SLC39A11: variants seen among roughly 807,000 people sequenced by gnomAD.
SLC39A11 encodes the protein zinc transporter ZIP11.
In SLC39A11, 33 loss-of-function variants were observed where a neutral mutation model predicts 36.1. That is an observed-to-expected ratio of 0.91 (90% CI 0.69 to 1.22). The LOEUF (loss-of-function observed/expected upper bound fraction) is 1.22, where lower values mean the gene tolerates loss of function less well. SLC39A11 is among the 50% of genes most tolerant of loss of function. The probability of loss-of-function intolerance (pLI) is 0.00; values close to 1 mark genes in which losing one functional copy is unlikely to be tolerated. For synonymous variants in SLC39A11, 166 were observed against 170.3 expected, an observed-to-expected ratio of 0.97 and a Z score of 0.20; for missense variants, 432 against 430.3, an observed-to-expected ratio of 1.00 and a Z score of -0.03.
intron 3 of SLC39A11, among the ~76,000 whole-genome samples, chr17:73,083,182 G>A (rs1338999261): frequency 6.6e-6 from 1 of 152,146 alleles, no homozygotes; most frequent in African/African-American, 2.4e-5. Context: ...GTGTAAGGTG[G>A]GAAAGGGAAG....
intron 5 of SLC39A11, among the ~76,000 whole-genome samples, chr17:72,867,756 G>A (rs540259190): frequency 2.7e-4 from 21 of 79,050 alleles, no homozygotes; most frequent in South Asian, 2.3e-3. Flanking sequence ...AATGAAGTGC[G>A]CGCGCACACA....
intron 5 of SLC39A11, among the ~76,000 whole-genome samples, chr17:72,935,732 G>A (rs991493143): frequency 3.9e-4 from 59 of 152,208 alleles, no homozygotes; most frequent in African/African-American, 1.4e-3. Context: ...ACAGGCACGC[G>A]CCACCATGCC....
At chr17:72,688,677 G>A (rs1182528030) in intron 7 of SLC39A11, among the ~76,000 whole-genome samples, 5 of 152,188 alleles carry the variant, frequency 3.3e-5, no homozygotes, top group African/African-American at 9.7e-5. Flanking sequence ...TTCACATAGG[G>A]TAAGGGATAG....
At chr17:72,853,508 C>T (rs963122682) in intron 5 of SLC39A11, among the ~76,000 whole-genome samples, 1 of 151,952 alleles carries the variant, frequency 6.6e-6, no homozygotes, top group Non-Finnish European at 1.5e-5. Flanking sequence ...CAACAGACCT[C>T]GGACGCACCA....
At position 72,806,872 on chromosome 17, in the gene SLC39A11, C is replaced by T. The variant is rs1200669302; in HGVS notation, c.601+42762G>A. 5.3e-5 allele frequency among the ~76,000 whole-genome samples: 8 copies of T among 152,302 alleles called. No homozygotes were observed. In the East Asian group the frequency reaches 5.8e-4, roughly 11 times the overall value. On this transcript the variant is annotated intron_variant, in intron 6 of 9. Transcript: ENST00000255559. ...TGCTGGGATTACAGGCGTGAGCCAC[C>T]GTGCTCAGCCTCACTTTTGTGCTTT...
chr17:72,716,981 ATATAT>A (rs1430545999), intron 7 of SLC39A11, among the ~76,000 whole-genome samples: 1 of 112,334 alleles, frequency 8.9e-6, no homozygotes, highest in African/African-American at 3.7e-5. Flanking sequence ...AAAAAAAAAA[ATATAT>A]ATATATACAC....
chr17:72,848,899 C>A (rs1443505445), intron 6 of SLC39A11, among the ~76,000 whole-genome samples: 1 of 152,080 alleles, frequency 6.6e-6, no homozygotes, highest in East Asian at 1.9e-4. Flanking sequence ...AATGCTGGTT[C>A]CCTGCGCAGT....
chr17:73,011,206 A>G (rs2090492790), intron 4 of SLC39A11, among the ~76,000 whole-genome samples: 1 of 152,188 alleles, frequency 6.6e-6, no homozygotes, highest in Non-Finnish European at 1.5e-5. Flanking sequence ...ATGCACCCCA[A>G]AGGGTAAGGA....
chr17:72,735,248 G>C (rs1377413802), intron 7 of SLC39A11, among the ~76,000 whole-genome samples: 1 of 152,176 alleles, frequency 6.6e-6, no homozygotes, highest in South Asian at 2.1e-4. Flanking sequence ...TACAGCCTTA[G>C]AATTCAGCGA....
At chr17:73,072,176 A>C (rs535557894) in intron 3 of SLC39A11, 1 of 152,262 alleles carries the variant, frequency 6.6e-6, no homozygotes, top group Admixed American at 6.5e-5. Context: ...TCATAGGAAC[A>C]GGGAAGGATG....
intron 3 of SLC39A11, among the ~76,000 whole-genome samples, chr17:73,073,285 T>C (rs1314767273): frequency 6.6e-6 from 1 of 152,214 alleles, no homozygotes; most frequent in African/African-American, 2.4e-5. Flanking sequence ...AGCATTGCTA[T>C]GCAGGAAGCA....
intron 7 of SLC39A11, among the ~76,000 whole-genome samples, chr17:72,679,469 C>T (rs1354965923): frequency 6.6e-6 from 1 of 152,170 alleles, no homozygotes; most frequent in Non-Finnish European, 1.5e-5. Context: ...GATGCGCAGA[C>T]ACAGAGAAAG....
chr17:73,068,135 T>C, intron 3 of SLC39A11: 2 of 1,337,650 alleles, frequency 1.5e-6, no homozygotes, highest in Non-Finnish European at 2.1e-6. Context: ...AATTTTTTTC[T>C]TGGTGTCGCC....
At chr17:72,737,969 C>T (rs1241594812) in intron 6 of SLC39A11, among the ~76,000 whole-genome samples, 5 of 152,084 alleles carry the variant, frequency 3.3e-5, no homozygotes, top group South Asian at 2.1e-4. Flanking sequence ...GGAGGGGTGG[C>T]GTGATCACCA....
At chr17:72,777,791 G>A (rs2144810705) in intron 6 of SLC39A11, among the ~76,000 whole-genome samples, 1 of 152,242 alleles carries the variant, frequency 6.6e-6, no homozygotes, top group South Asian at 2.1e-4. Context: ...CCCAGGAAAT[G>A]AATAAACATA....
chr17:72,801,686 T>C (rs1485980728), intron 6 of SLC39A11, among the ~76,000 whole-genome samples: 1 of 152,216 alleles, frequency 6.6e-6, no homozygotes, highest in Non-Finnish European at 1.5e-5. Flanking sequence ...GTCTTCAGGA[T>C]GGCATTTTAA....
intron 4 of SLC39A11, among the ~76,000 whole-genome samples, chr17:72,990,773 T>A (rs2089118492): frequency 6.6e-6 from 1 of 152,126 alleles, no homozygotes; most frequent in African/African-American, 2.4e-5. Context: ...CACACACACA[T>A]CTACACTAAA....
At chr17:72,958,957 C>T (rs746174092) in intron 4 of SLC39A11, among the ~76,000 whole-genome samples, 3 of 150,650 alleles carry the variant, frequency 2.0e-5, no homozygotes, top group Non-Finnish European at 3.0e-5. Context: ...AAATCAAAAC[C>T]ACAATGCAAT....
At chr17:72,878,559 T>G (rs941558329) in intron 5 of SLC39A11, among the ~76,000 whole-genome samples, 1 of 152,208 alleles carries the variant, frequency 6.6e-6, no homozygotes, top group Non-Finnish European at 1.5e-5. Context: ...CTTACTCACA[T>G]GCCATCTTCT....
Sources: gnomAD v4.1 joint callset for allele counts (sites outside exome capture counted in the v4.1 genomes callset) on GRCh38, gnomAD v4.1.1 for gene constraint, MANE v1.5 for transcripts, NCBI Gene and HGNC (gene_info 2026-07-23, HGNC 2026-07-21) for gene names.